LOC400499: variants seen among roughly 807,000 people sequenced by gnomAD.
chr16:11,515,340 G>C, the LOC400499 span, among the ~76,000 whole-genome samples: 1 of 151,884 alleles, frequency 6.6e-6, no homozygotes, highest in Non-Finnish European at 1.5e-5. Context: ...TGTAGTCCCA[G>C]CTACTCTCAA....
chr16:11,390,064 G>C, the LOC400499 span: 1 of 1,190,336 alleles, frequency 8.4e-7, no homozygotes. Flanking sequence ...CCTGGTATGT[G>C]GCAGGCACGC....
the LOC400499 span, among the ~76,000 whole-genome samples, chr16:11,454,773 T>C: frequency 0.019 from 2,900 of 152,344 alleles, 34 homozygotes; most frequent in Non-Finnish European, 0.029. Flanking sequence ...GTATGCTTTC[T>C]TTGGAAGCTA....
the LOC400499 span, among the ~76,000 whole-genome samples, chr16:11,383,330 G>C: frequency 6.6e-6 from 1 of 152,206 alleles, no homozygotes; most frequent in East Asian, 1.9e-4. Context: ...GCCTCCCAAA[G>C]TGCTGGGATT....
chr16:11,376,149 A>G, the LOC400499 span, among the ~76,000 whole-genome samples: 7 of 152,198 alleles, frequency 4.6e-5, no homozygotes, highest in African/African-American at 1.7e-4. Flanking sequence ...CTTTACTCCC[A>G]TTCTGTAGGA....
At chr16:11,414,442 G>A in the LOC400499 span, 4 of 400,096 alleles carry the variant, frequency 1.0e-5, no homozygotes, top group Non-Finnish European at 1.8e-5. Context: ...AGCCACCAGG[G>A]CTGCCAGGTC....
the LOC400499 span, among the ~76,000 whole-genome samples, chr16:11,391,295 T>C: frequency 0.31 from 46,746 of 151,944 alleles, 7,317 homozygotes; most frequent in African/African-American, 0.34. Context: ...GAGCCTTTAA[T>C]GACCACCTGG....
chr16:11,518,920 C>A, the LOC400499 span: 1 of 399,086 alleles, frequency 2.5e-6, no homozygotes, highest in Non-Finnish European at 4.4e-6. Flanking sequence ...CCGACTCCTT[C>A]AGAAGCTCCA....
At chr16:11,435,587 C>G in the LOC400499 span, 383 of 398,718 alleles carry the variant, frequency 9.6e-4, 1 homozygote, top group Non-Finnish European at 1.5e-3. Flanking sequence ...GTGAGGATCT[C>G]CCATATCCCA....
chr16:11,419,622 G>C, the LOC400499 span, among the ~76,000 whole-genome samples: 580 of 152,274 alleles, frequency 3.8e-3, 5 homozygotes, highest in African/African-American at 0.014. Context: ...AAACTGAAGA[G>C]CTTCTGCACG....
the LOC400499 span, among the ~76,000 whole-genome samples, chr16:11,473,571 G>T: frequency 6.6e-6 from 1 of 151,980 alleles, no homozygotes; most frequent in East Asian, 1.9e-4. Context: ...CCTGGCCAAT[G>T]TGGTAAAACC....
chr16:11,448,941 G>T, the LOC400499 span: 1 of 1,490,600 alleles, frequency 6.7e-7, no homozygotes, highest in Non-Finnish European at 9.0e-7. Context: ...CCTGTAGGCC[G>T]CTGTTAGGTT....
chr16:11,456,015 A>G, the LOC400499 span, among the ~76,000 whole-genome samples: 1 of 150,636 alleles, frequency 6.6e-6, no homozygotes, highest in Non-Finnish European at 1.5e-5. Context: ...AAAAACTGAA[A>G]AAATGGAAAA....
At chr16:11,521,719 T>C in the LOC400499 span, among the ~76,000 whole-genome samples, 1 of 152,158 alleles carries the variant, frequency 6.6e-6, no homozygotes, top group South Asian at 2.1e-4. Flanking sequence ...CCTAAAAATA[T>C]TCCTTCCTTA....
chr16:11,425,694 T>A, the LOC400499 span, among the ~76,000 whole-genome samples: 1 of 152,106 alleles, frequency 6.6e-6, no homozygotes, highest in Non-Finnish European at 1.5e-5. Context: ...AGCTATACGT[T>A]TATATAGCTG....
chr16:11,394,523 C>T, the LOC400499 span, among the ~76,000 whole-genome samples: 3 of 152,168 alleles, frequency 2.0e-5, no homozygotes, highest in African/African-American at 4.8e-5. Flanking sequence ...TGCGCGTGCA[C>T]GTATGTCTGT....
chr16:11,391,730 C>T, the LOC400499 span: 8 of 1,232,262 alleles, frequency 6.5e-6, no homozygotes, highest in Non-Finnish European at 8.1e-6. Flanking sequence ...GAGGCAGGTG[C>T]TGGGTCAGTG....
the LOC400499 span, among the ~76,000 whole-genome samples, chr16:11,438,420 G>A: frequency 6.6e-6 from 1 of 151,870 alleles, no homozygotes; most frequent in Non-Finnish European, 1.5e-5. Flanking sequence ...CCATTCTCGG[G>A]CTCCATTCAA....
chr16:11,399,230 T>A, the LOC400499 span: 1 of 985,298 alleles, frequency 1.0e-6, no homozygotes, highest in Non-Finnish European at 1.2e-6. Flanking sequence ...CTTCCCCATC[T>A]GTTCCCAGCA....
the LOC400499 span, among the ~76,000 whole-genome samples, chr16:11,397,793 G>GGAT: frequency 7.1e-6 from 1 of 139,932 alleles, no homozygotes; most frequent in African/African-American, 2.8e-5. Context: ...GAGGGAGGGA[G>GGAT]GGAGGGATGG....
Sources: gnomAD v4.1 joint callset for allele counts (sites outside exome capture counted in the v4.1 genomes callset) on GRCh38, gnomAD v4.1.1 for gene constraint, MANE v1.5 for transcripts.